CDYL: variants seen among roughly 807,000 people sequenced by gnomAD.
The protein encoded by CDYL is chromodomain Y-like protein.
A neutral mutation model predicts 47.3 loss-of-function variants in CDYL; 8 were observed. The ratio of observed to expected loss-of-function variants is 0.17; its 90% CI spans 0.10 to 0.31. The LOEUF (loss-of-function observed/expected upper bound fraction) is 0.31, where lower values mean the gene tolerates loss of function less well. Among genes scored for constraint, CDYL ranks in the 10% least tolerant of loss-of-function variants. The pLI, the probability that CDYL is intolerant of heterozygous loss-of-function variation, is 1.00. For synonymous variants in CDYL, 266 were observed against 265.0 expected, an observed-to-expected ratio of 1.00 and a Z score of -0.04; for missense variants, 471 against 701.4, an observed-to-expected ratio of 0.67 and a Z score of 3.71.
Position 4,921,639 on chromosome 6 carries a change from T to C in CDYL, c.692-13876T>C. On this transcript the variant is annotated intron_variant, in intron 2 of 6. Transcript: ENST00000397588. ...ATGCCTCCACCTTTGTGTCATATGC[T>C]TTTTAACTTGGTATTTAACCCTTCA... Among the ~76,000 whole-genome samples, 3 of 152,188 alleles carry C rather than the reference T, an allele frequency of 2.0e-5. 1 individual carries two copies. The highest frequency in any genetic ancestry group is 4.4e-5 in the Non-Finnish European group (3 of 68,042).
intron 1 of CDYL, among the ~76,000 whole-genome samples, chr6:4,817,936 A>G (rs964906275): frequency 5.9e-5 from 9 of 152,220 alleles, no homozygotes. Flanking sequence ...TTAAATGCTT[A>G]AGTAAGATAG....
At chr6:4,822,305 GCTT>G (rs1296880764) in intron 1 of CDYL, among the ~76,000 whole-genome samples, 6 of 151,984 alleles carry the variant, frequency 3.9e-5, no homozygotes, top group Non-Finnish European at 8.8e-5. Flanking sequence ...GGCAAAATCA[GCTT>G]CTTAACAGCC....
chr6:4,812,495 T>A (rs1017303013), intron 1 of CDYL, among the ~76,000 whole-genome samples: 5 of 152,260 alleles, frequency 3.3e-5, no homozygotes, highest in African/African-American at 7.2e-5. Flanking sequence ...AAACTGGTTG[T>A]ATCAATCTGA....
intron 2 of CDYL, among the ~76,000 whole-genome samples, chr6:4,725,424 C>A (rs1190098636): frequency 3.3e-5 from 5 of 152,222 alleles, no homozygotes; most frequent in Admixed American, 6.5e-5. Flanking sequence ...GAGCCCACAG[C>A]GAGGTGGGGA....
chr6:4,765,190 T>G (rs1758233868), intron 3 of CDYL, among the ~76,000 whole-genome samples: 2 of 151,986 alleles, frequency 1.3e-5, no homozygotes, highest in African/African-American at 4.8e-5. Context: ...GGCATGGTGG[T>G]GGGCACTTGT....
chr6:4,780,270 C>G (rs1758575700), intron 1 of CDYL, among the ~76,000 whole-genome samples: 1 of 150,982 alleles, frequency 6.6e-6, no homozygotes, highest in South Asian at 2.1e-4. Flanking sequence ...TGCTCTATCT[C>G]CCAGGCTGAT....
chr6:4,831,980 G>C (rs1360626208), intron 1 of CDYL, among the ~76,000 whole-genome samples: 1 of 147,080 alleles, frequency 6.8e-6, no homozygotes, highest in Non-Finnish European at 1.5e-5. Flanking sequence ...TTTGGGCTGA[G>C]ATGATGGGGT....
intron 3 of CDYL, among the ~76,000 whole-genome samples, chr6:4,763,664 C>T (rs1758209505): frequency 6.6e-6 from 1 of 152,004 alleles, no homozygotes; most frequent in Non-Finnish European, 1.5e-5. Flanking sequence ...TTTGTAGGGC[C>T]AGGCGCGGTG....
Position 4,895,407 on chromosome 6 carries a change from G to GTA in CDYL, c.691+3031_691+3032dup, listed in dbSNP as rs1561693874. ...TATGTGCATATATGCATGTATACAT[G>GTA]TATACGTATATATGCATGTATACAT... is the stretch of plus-strand genomic sequence containing the variant. On this transcript the variant is annotated intron_variant, in intron 2 of 6. Transcript: ENST00000397588. 3.0e-3 allele frequency among the ~76,000 whole-genome samples: 6 copies of GTA among 1,990 alleles called. 2 individuals are homozygous for GTA. Among genetic ancestry groups the GTA allele is most frequent in the African/African-American group, 2.6e-3 (5 of 1,944 alleles). The allele number at this position is 1,990 out of a possible 152,430, so 1.3% of individuals were successfully genotyped here. A position where few individuals can be genotyped will look rare whatever the true frequency, so the allele number is the denominator to read the frequency against.
At chr6:4,803,160 T>C (rs1759274259) in intron 1 of CDYL, among the ~76,000 whole-genome samples, 1 of 152,166 alleles carries the variant, frequency 6.6e-6, no homozygotes, top group Admixed American at 6.5e-5. Flanking sequence ...TAGATGGAAG[T>C]GTGCAAAGAC....
At chr6:4,857,614 G>C (rs1248509572) in intron 1 of CDYL, among the ~76,000 whole-genome samples, 1 of 152,188 alleles carries the variant, frequency 6.6e-6, no homozygotes, top group Admixed American at 6.5e-5. Flanking sequence ...GGTGTGTGTG[G>C]ATGCTTTCTA....
chr6:4,715,941 C>A, intron 2 of CDYL: 1 of 1,567,276 alleles, frequency 6.4e-7, no homozygotes, highest in South Asian at 1.2e-5. Flanking sequence ...TTAGAGAGGC[C>A]CCTTTTATTT....
chr6:4,843,754 A>G (rs901870190), intron 1 of CDYL, among the ~76,000 whole-genome samples: 1 of 151,932 alleles, frequency 6.6e-6, no homozygotes, highest in African/African-American at 2.4e-5. Flanking sequence ...GGTTTTATTA[A>G]GTTGGACTTT....
chr6:4,741,963 G>A (rs1169382201), intron 3 of CDYL, among the ~76,000 whole-genome samples: 1 of 152,106 alleles, frequency 6.6e-6, no homozygotes, highest in Non-Finnish European at 1.5e-5. Flanking sequence ...GCCTCCTCAT[G>A]GTCTGGTAAT....
chr6:4,755,470 C>A (rs949728543), intron 3 of CDYL, among the ~76,000 whole-genome samples: 1 of 152,198 alleles, frequency 6.6e-6, no homozygotes, highest in Admixed American at 6.5e-5. Flanking sequence ...GATAACTAAA[C>A]CTTCTTAAAG....
At chr6:4,761,645 T>A (rs953851625) in intron 3 of CDYL, among the ~76,000 whole-genome samples, 3 of 152,170 alleles carry the variant, frequency 2.0e-5, no homozygotes, top group African/African-American at 7.2e-5. Flanking sequence ...CCCGGCCCAC[T>A]TTCCCCAGAA....
intron 1 of CDYL, among the ~76,000 whole-genome samples, chr6:4,788,517 G>A (rs1758824059): frequency 1.4e-5 from 2 of 145,234 alleles, no homozygotes; most frequent in African/African-American, 5.1e-5. Flanking sequence ...TTTCAGTAGT[G>A]GAGCAGGTCT....
intron 1 of CDYL, among the ~76,000 whole-genome samples, chr6:4,797,889 G>T (rs79041992): frequency 6.6e-6 from 1 of 152,176 alleles, no homozygotes; most frequent in Non-Finnish European, 1.5e-5. Context: ...GAGCATTCAT[G>T]TAGAAGTTTT....
intron 2 of CDYL, chr6:4,716,011 G>A (rs1757250883): frequency 7.4e-7 from 1 of 1,345,872 alleles, no homozygotes; most frequent in Non-Finnish European, 9.9e-7. Context: ...CACTTTGGGA[G>A]GCCGAGGCGG....
Sources: allele counts gnomAD v4.1 joint callset (sites outside exome capture counted in the v4.1 genomes callset), GRCh38; gene constraint gnomAD v4.1.1; transcripts MANE v1.5; gene names NCBI Gene and HGNC (gene_info 2026-07-23, HGNC 2026-07-21).